The following NUP43 variants were observed in gnomAD, a reference collection of about 807,000 sequenced individuals.
The protein encoded by NUP43 is nucleoporin 43.
Under a neutral mutation model 47.3 loss-of-function variants are expected in NUP43, and 32 were observed. That is an observed-to-expected ratio of 0.68 (90% confidence interval 0.51 to 0.91). The LOEUF is 0.91. NUP43 is among the 40% of genes least tolerant of loss of function. The pLI, the probability that NUP43 is intolerant of heterozygous loss-of-function variation, is 0.00. For missense variants in NUP43, 444 were observed against 453.9 expected, an observed-to-expected ratio of 0.98 and a Z score of 0.20; for synonymous variants, 147 against 158.4, an observed-to-expected ratio of 0.93 and a Z score of 0.54.
chr6:149,734,334 C>CA (rs919717786), intron 6 of NUP43, among the ~76,000 whole-genome samples: 11 of 150,214 alleles, frequency 7.3e-5, no homozygotes, highest in African/African-American at 2.7e-4. Context: ...CCTGTCTCTA[C>CA]AAAAAATAAA....
intron 6 of NUP43, among the ~76,000 whole-genome samples, chr6:149,736,005 C>CG (rs1382118063): frequency 7.0e-6 from 1 of 143,062 alleles, no homozygotes; most frequent in Non-Finnish European, 1.5e-5. Context: ...AAACCAGGCA[C>CG]GGCGGCTCAT....
chr6:149,746,330 C>A (rs370044824), intron 1 of NUP43, 46 bp downstream of exon 1: 1 of 1,603,888 alleles, frequency 6.2e-7, no homozygotes, highest in African/African-American at 1.3e-5. Flanking sequence ...TCAGCTCAAC[C>A]GGAGAGAGGG....
At chr6:149,746,541 GCGCCTCTCAGCAC>G (rs1562387373), upstream of NUP43, 1 of 1,613,804 alleles carries the variant, frequency 6.2e-7, no homozygotes, top group Non-Finnish European at 8.5e-7. Context: ...AGCACAGTAC[GCGCCTCTCAGCAC>G]CGCCTCTTCC....
Position 149,744,885 on chromosome 6 carries a change from T to TTTTA in NUP43, c.243+1051_243+1054dup, listed in dbSNP as rs756078071. 3.8e-3 allele frequency among the ~76,000 whole-genome samples: 579 copies of TTTTA among 150,866 alleles called. 1 individual carries two copies. Among genetic ancestry groups the TTTTA allele is most frequent in the Non-Finnish European group, 5.8e-3 (394 of 67,738 alleles). ...TAGAGCTAGATAGCTTTCTTTTTTA[T>TTTTA]TTTATTTATTTATTTATTTATTTAT... On this transcript the variant is annotated intron_variant, in intron 2 of 7. Transcript: ENST00000340413.
chr6:149,735,423 T>A (rs924487762), intron 6 of NUP43, among the ~76,000 whole-genome samples: 15 of 151,828 alleles, frequency 9.9e-5, no homozygotes, highest in African/African-American at 3.6e-4. Flanking sequence ...GGCCTAGCAA[T>A]TCTACTTCTA....
At chr6:149,736,667 A>G (rs377221571) in intron 5 of NUP43, 45 bp from the exon 6 acceptor site, 10 of 1,500,196 alleles carry the variant, frequency 6.7e-6, no homozygotes, top group Non-Finnish European at 9.1e-6. Flanking sequence ...ATAAAGTATA[A>G]TTTATCTTTG....
intron 6 of NUP43, among the ~76,000 whole-genome samples, chr6:149,735,600 A>AG (rs1232763268): frequency 1.4e-5 from 2 of 144,954 alleles, no homozygotes; most frequent in Non-Finnish European, 3.0e-5. Flanking sequence ...CCTGTCTCCA[A>AG]AAAAAAAAAA....
chr6:149,739,318 G>A (rs972769793), intron 4 of NUP43, among the ~76,000 whole-genome samples: 3 of 151,810 alleles, frequency 2.0e-5, no homozygotes, highest in East Asian at 1.9e-4. Context: ...GATGGATCTC[G>A]CTCTGTCACC....
chr6:149,728,508 T>G (rs1784891179), intron 7 of NUP43: 8 of 944,746 alleles, frequency 8.5e-6, no homozygotes, highest in Non-Finnish European at 1.0e-5. Flanking sequence ...TTTTTCCCCT[T>G]AGTTTTTCTG....
chr6:149,743,591 C>T lies in NUP43; in HGVS notation c.321+47G>A, dbSNP rs768154835. On this transcript the variant is annotated intron_variant, in intron 3 of 7. Coordinates refer to ENST00000340413, the MANE Select transcript of NUP43 (RefSeq NM_198887.3). ...GTGCGCGGGCAACAAGAGCAAAACT[C>T]CATTTCAAAAAAAAAAAAAATCACT... The T allele has an allele frequency of 6.5e-6, 8 of 1,239,688 alleles. No individual in the cohort carries two copies. The South Asian group carries it at 8.9e-5, about 14-fold the overall frequency. The allele number at this position is 1,239,688 out of a possible 1,614,324, so 76.8% of individuals were successfully genotyped here. A position where few individuals can be genotyped will look rare whatever the true frequency, so the allele number is the denominator to read the frequency against.
intron 4 of NUP43, among the ~76,000 whole-genome samples, chr6:149,741,277 G>A (rs1160626023): frequency 1.3e-5 from 2 of 152,116 alleles, no homozygotes; most frequent in East Asian, 1.9e-4. Context: ...AGGTTCAAGC[G>A]ATTCTCATGC....
rs755611171 is a variant in NUP43, at chr6:149,738,721, A to G, written c.560T>C (p.Leu187Pro). The G allele has an allele frequency of 6.3e-7, 1 of 1,596,734 alleles. No individual in the cohort carries two copies. Among genetic ancestry groups the G allele is most frequent in the East Asian group, 2.3e-5 (1 of 44,324 alleles). ...AVTFLRTPEI[L>P]TVNSIGQLKI... ...CAACTGTCCAATTGAATTTACAGTA[A>G]GAATCTCAGGAGTTCGAAGAAAGGT... The change falls in exon 5 of 8, where the codon CTT becomes CCT. Residue 187 changes from leucine (L) to proline (P), a missense_variant. Transcript: ENST00000340413.
In NUP43 at chr6:149,726,771, A is replaced by T. The variant is rs946358607; in HGVS notation, c.*198T>A. ...TTCCACATGTTCACAATCTTTTGCC[A>T]TCAGTCATCTATCGGATTCTACAAC... On this transcript the variant is annotated 3_prime_UTR_variant, in exon 8 of 8. Coordinates refer to ENST00000340413, the MANE Select transcript of NUP43 (RefSeq NM_198887.3). 21 of 576,416 alleles carry T rather than the reference A, an allele frequency of 3.6e-5. No homozygotes were observed. The African/African-American group carries it at 3.7e-4, about 10-fold the overall frequency. The allele number at this position is 576,416 out of a possible 1,614,324, so 35.7% of individuals were successfully genotyped here.
chr6:149,726,694 A>G lies in NUP43; in HGVS notation c.*275T>C, dbSNP rs1784804711. 1 of 445,670 alleles carries G rather than the reference A, an allele frequency of 2.2e-6. No homozygotes were observed. Among genetic ancestry groups the G allele is most frequent in the Non-Finnish European group, 4.1e-6 (1 of 242,122 alleles). 27.6% of individuals were successfully genotyped at this position (445,670 alleles called of 1,614,324 possible). A position where few individuals can be genotyped will look rare whatever the true frequency, so the allele number is the denominator to read the frequency against. ...AATTAGTTCCACAAGCTGTCTGTCA[A>G]TAATACTCTGAAGGCAACCTATTCA... is the stretch of plus-strand genomic sequence containing the variant. On this transcript the variant is annotated 3_prime_UTR_variant, in exon 8 of 8. Transcript: ENST00000340413.
intron 5 of NUP43, 99 bp downstream of exon 5, chr6:149,738,544 A>G (rs1562380122): frequency 1.1e-6 from 1 of 874,742 alleles, no homozygotes. Flanking sequence ...CCCTCTTAAA[A>G]TGCAATTAAA....
chr6:149,742,343 G>C, intron 4 of NUP43, 47 bp downstream of exon 4: 1 of 1,569,690 alleles, frequency 6.4e-7, no homozygotes, highest in South Asian at 1.1e-5. Context: ...TGTATTTTTA[G>C]AAGAGACTAG....
chr6:149,745,071 A>G (rs1314566477), intron 2 of NUP43, among the ~76,000 whole-genome samples: 3 of 150,870 alleles, frequency 2.0e-5, no homozygotes, highest in African/African-American at 4.9e-5. Flanking sequence ...GTAGCTTTCT[A>G]TGGAAAATGC....
rs2115113357 is a variant in NUP43, at chr6:149,736,508, A to G, written c.753T>C (p.Thr251=). 6.2e-7 allele frequency: 1 copy of G among 1,610,184 alleles called. No individual in the cohort carries two copies. Among genetic ancestry groups the G allele is most frequent in the Non-Finnish European group, 8.5e-7 (1 of 1,176,806 alleles). Residue 251 remains threonine, a synonymous_variant, in exon 6 of 8, where the codon ACT becomes ACC. Coordinates refer to ENST00000340413, the MANE Select transcript of NUP43 (RefSeq NM_198887.3). ...GAGCCTTCAGCAGAGATACAGGCAT[A>G]GTACCTTGTCTAACATCCCAAATAC... The part of the protein sequence containing the change: ...MLSIWDVRQG[T]MPVSLLKAHE...
In NUP43 at chr6:149,743,667, T is replaced by C. The variant is rs1293634820; in HGVS notation, c.292A>G (p.Thr98Ala). Residue 98 changes from threonine to alanine, a missense_variant, in exon 3 of 8, where the codon ACA (threonine) becomes GCA (alanine). Thr to Ala is a moderately conservative substitution (Grantham distance 58). Coordinates refer to ENST00000340413, the MANE Select transcript of NUP43 (RefSeq NM_198887.3). ...IVAASSTGCV[T>A]VFLHHPNNQT... ...TTATTTGGATGGTGAAGGAAAACTG[T>C]TACACATCCTGTTGATGAAGCAGCG... The C allele has an allele frequency of 1.9e-6, 3 of 1,610,080 alleles. No homozygotes were observed. The highest frequency in any genetic ancestry group is 1.7e-5 in the Admixed American group (1 of 59,750).
Sources: allele counts gnomAD v4.1 joint callset (sites outside exome capture counted in the v4.1 genomes callset), GRCh38; gene constraint gnomAD v4.1.1; transcripts MANE v1.5; gene names NCBI Gene and HGNC (gene_info 2026-07-23, HGNC 2026-07-21).